The following LVRN variants were observed in gnomAD, a reference collection of about 807,000 sequenced individuals.
LVRN encodes the protein laeverin.
A neutral mutation model predicts 111.4 loss-of-function variants in LVRN; 99 were observed. That is an observed-to-expected ratio of 0.89 (90% CI 0.76 to 1.05). The LOEUF is 1.05. LVRN is among the 50% of genes least tolerant of loss of function. The pLI is 0.00. For synonymous variants in LVRN, 488 were observed against 449.5 expected, an observed-to-expected ratio of 1.09 and a Z score of -1.08; for missense variants, 1,414 against 1,206.8, an observed-to-expected ratio of 1.17 and a Z score of -2.54.
At chr5:115,998,501 G>C (rs1561562865) in intron 6 of LVRN, among the ~76,000 whole-genome samples, 1 of 152,198 alleles carries the variant, frequency 6.6e-6, no homozygotes, top group Admixed American at 6.5e-5. Context: ...GGCGACCTTA[G>C]GGTGCGATAT....
intron 6 of LVRN, among the ~76,000 whole-genome samples, chr5:115,995,764 C>T (rs1345937138): frequency 1.3e-5 from 2 of 152,182 alleles, no homozygotes; most frequent in Non-Finnish European, 2.9e-5. Flanking sequence ...GTTGTTATTT[C>T]TATTTTACAT....
At chr5:115,976,968 C>G (rs1401425827) in intron 1 of LVRN, among the ~76,000 whole-genome samples, 2 of 152,122 alleles carry the variant, frequency 1.3e-5, no homozygotes, top group African/African-American at 4.8e-5. Context: ...CAGGCATCAC[C>G]CATCTAGTCT....
chr5:115,982,441 T>G (rs954876897), intron 1 of LVRN, among the ~76,000 whole-genome samples: 5 of 152,146 alleles, frequency 3.3e-5, no homozygotes, highest in African/African-American at 9.7e-5. Flanking sequence ...GAATTTAGCA[T>G]CCACAGTTGT....
chr5:115,970,328 A>G (rs892617519), intron 1 of LVRN, among the ~76,000 whole-genome samples: 9 of 151,758 alleles, frequency 5.9e-5, no homozygotes, highest in Non-Finnish European at 4.4e-5. Flanking sequence ...AAATCATACA[A>G]TATGTACTCT....
intron 1 of LVRN, among the ~76,000 whole-genome samples, chr5:115,969,038 T>C (rs552529836): frequency 5.3e-5 from 8 of 152,322 alleles, no homozygotes; most frequent in Middle Eastern, 6.8e-3. Flanking sequence ...AGGAATGGTT[T>C]ACAAGTCATA....
intron 3 of LVRN, among the ~76,000 whole-genome samples, chr5:115,985,135 C>T (rs182220225): frequency 4.6e-5 from 7 of 152,202 alleles, no homozygotes; most frequent in African/African-American, 1.2e-4. Flanking sequence ...CAGGCATCAA[C>T]GAGTCAAAAC....
chr5:115,982,272 C>G (rs12186351), intron 1 of LVRN, among the ~76,000 whole-genome samples: 24,722 of 152,058 alleles, frequency 0.16, 2,420 homozygotes, highest in East Asian at 0.43. Flanking sequence ...CAAGCAGCAG[C>G]CTTATGATGG....
At position 115,983,389 on chromosome 5, in the gene LVRN, T is replaced by G; in HGVS notation, c.798T>G (p.His266Gln). 1 of 1,610,342 alleles carries G rather than the reference T, an allele frequency of 6.2e-7. No individual in the cohort carries two copies. Among genetic ancestry groups the G allele is most frequent in the Non-Finnish European group, 8.5e-7 (1 of 1,178,864 alleles). Residue 266 changes from histidine to glutamine, a missense_variant, in exon 2 of 20, where the codon CAT (histidine) becomes CAG (glutamine). Coordinates refer to ENST00000357872, the MANE Select transcript of LVRN (RefSeq NM_173800.5). ...CAACTTTTAATATTACAATGATTCA[T>G]CATCCAAGTTATGTGGCCCTTTCCA... Reference protein sequence around the residue: ...LKATFNITMIHHPSYVALSNM... With the variant: ...LKATFNITMIQHPSYVALSNM...
intron 1 of LVRN, among the ~76,000 whole-genome samples, chr5:115,979,131 T>C (rs1016109766): frequency 6.6e-6 from 1 of 152,076 alleles, no homozygotes; most frequent in South Asian, 2.1e-4. Flanking sequence ...CTTTGTATGG[T>C]AGGGGACACA....
chr5:116,018,855 CTT>C lies in LVRN; in HGVS notation c.2756+3091_2756+3092del, dbSNP rs563513421. 7.2e-5 allele frequency among the ~76,000 whole-genome samples: 11 copies of C among 152,150 alleles called. No individual in the cohort carries two copies. In the South Asian group the frequency reaches 2.3e-3, roughly 32 times the overall value. The stretch of plus-strand genomic sequence containing the variant: ...AGTTGATTTTTAAGAAATTAATAAA[CTT>C]AATTTTTTAGGGTAGTTTTAAGTTC... On this transcript the variant is annotated intron_variant, in intron 18 of 19. Transcript: ENST00000357872.
chr5:115,983,669 C>T (rs1286171945), intron 2 of LVRN, among the ~76,000 whole-genome samples: 1 of 152,134 alleles, frequency 6.6e-6, no homozygotes, highest in Admixed American at 6.5e-5. Flanking sequence ...GGGCAGTCTG[C>T]CTGCCACTTA....
intron 17 of LVRN, 80 bp downstream of exon 17, chr5:116,015,499 TGTAA>T: frequency 3.4e-6 from 5 of 1,476,872 alleles, no homozygotes; most frequent in Non-Finnish European, 4.5e-6. Context: ...AATGTGCTAA[TGTAA>T]GTATTAAAAC....
At chr5:115,993,193 T>G (rs1748031174) in intron 5 of LVRN, among the ~76,000 whole-genome samples, 1 of 118,428 alleles carries the variant, frequency 8.4e-6, no homozygotes, top group African/African-American at 3.3e-5. Flanking sequence ...ATCATCCATT[T>G]GACACTGTTT....
intron 4 of LVRN, among the ~76,000 whole-genome samples, chr5:115,990,847 C>A (rs538713320): frequency 6.6e-6 from 1 of 152,122 alleles, no homozygotes; most frequent in Non-Finnish European, 1.5e-5. Flanking sequence ...GCTGAGATTA[C>A]GCGCATAAGC....
At position 115,964,062 on chromosome 5, in the gene LVRN, G is replaced by A. The variant is rs193184459; in HGVS notation, c.695+750G>A. 2.6e-5 allele frequency among the ~76,000 whole-genome samples: 4 copies of A among 152,288 alleles called. No homozygotes were observed. The East Asian group carries it at 5.8e-4, about 22-fold the overall frequency. On this transcript the variant is annotated intron_variant, in intron 1 of 19. Coordinates refer to ENST00000357872, the MANE Select transcript of LVRN (RefSeq NM_173800.5). ...TCATTTGAGATAATATCTCCTACAC[G>A]GAATGTTTCCTGCCCCTGCACAAGA...
At chr5:115,965,898 T>C (rs1753191580) in intron 1 of LVRN, among the ~76,000 whole-genome samples, 3 of 152,150 alleles carry the variant, frequency 2.0e-5, no homozygotes, top group Non-Finnish European at 4.4e-5. Flanking sequence ...AATTACCCAG[T>C]CTTGGGTATT....
chr5:116,002,880 A>G lies in LVRN; in HGVS notation c.1866A>G (p.Thr622=). The change falls in exon 11 of 20, where the codon ACA becomes ACG. Residue 622 remains threonine (T), a synonymous_variant. Coordinates refer to ENST00000357872, the MANE Select transcript of LVRN (RefSeq NM_173800.5). ...TTCTTTGGATAAAAAATGGAACTAC[A>G]CAACCTTTAGTCTGGCTAGATCAAA... ...VPILWIKNGT[T]QPLVWLDQSS... 6.2e-7 allele frequency: 1 copy of G among 1,611,072 alleles called. No individual in the cohort carries two copies. The highest frequency in any genetic ancestry group is 8.5e-7 in the Non-Finnish European group (1 of 1,177,780).
rs149110481 is a variant in LVRN at position 116,020,369 on chromosome 5, A to G, written c.2757-2022A>G. Among the ~76,000 whole-genome samples, 1,385 of 152,328 alleles carry G rather than the reference A, an allele frequency of 9.1e-3. 19 individuals carry two copies. The highest frequency in any genetic ancestry group is 0.031 in the African/African-American group (1,293 of 41,578). ...ACTTTCCACTGGATGTGGTAGAAGCATTATTTGTTCCGTTATCATCTCTGT... is the reference window on the plus strand; with the variant it reads ...ACTTTCCACTGGATGTGGTAGAAGCGTTATTTGTTCCGTTATCATCTCTGT... On this transcript the variant is annotated intron_variant, in intron 18 of 19. Transcript: ENST00000357872.
chr5:115,990,314 T>A (rs967024591), intron 4 of LVRN, among the ~76,000 whole-genome samples: 1 of 152,220 alleles, frequency 6.6e-6, no homozygotes, highest in East Asian at 1.9e-4. Context: ...TAGACTCCTA[T>A]GTATTTTAAA....
Sources: gnomAD v4.1 joint callset for allele counts (sites outside exome capture counted in the v4.1 genomes callset) on GRCh38, gnomAD v4.1.1 for gene constraint, MANE v1.5 for transcripts, NCBI Gene and HGNC (gene_info 2026-07-23, HGNC 2026-07-21) for gene names.